FAM171A2: variants seen among roughly 807,000 people sequenced by gnomAD.
The protein encoded by FAM171A2 is family with sequence similarity 171 member A2.
A neutral mutation model predicts 34.2 loss-of-function variants in FAM171A2; 13 were observed. The observed-to-expected ratio is 0.38, with a 90% CI of 0.25 to 0.60. The LOEUF (loss-of-function observed/expected upper bound fraction) is 0.60, where lower values mean the gene tolerates loss of function less well. Among genes scored for constraint, FAM171A2 ranks in the 20% least tolerant of loss-of-function variants. The probability of loss-of-function intolerance (pLI) is 0.62; values close to 1 mark genes in which losing one functional copy is unlikely to be tolerated. For synonymous variants in FAM171A2, 475 were observed against 561.2 expected (o/e 0.85, Z 2.17); for missense variants, 950 against 1,180.7 (o/e 0.80, Z 2.86).
chr17:44,362,855 G>A (rs976863673), intron 1 of FAM171A2, among the ~76,000 whole-genome samples: 8 of 152,128 alleles, frequency 5.3e-5, no homozygotes, highest in Non-Finnish European at 1.0e-4. Context: ...CCTCCCAGCC[G>A]GCACTGCCCA....
In FAM171A2 at chr17:44,363,622, C is replaced by T; in HGVS notation, c.93G>A (p.Ser31=). The change falls in exon 1 of 8, where the codon TCG becomes TCA. Residue 31 remains serine (S), a synonymous_variant. Coordinates refer to ENST00000293443, the MANE Select transcript of FAM171A2 (RefSeq NM_198475.3). The stretch of plus-strand genomic sequence containing the variant: ...CCTGCGGGCTGGGGGGCTCCGGCGG[C>T]GACTTGCCGGGAGCCCGGGAGGCGC... ...LGSASRAPGK[S]PPEPPSPQEI... 8.1e-7 allele frequency: 1 copy of T among 1,229,528 alleles called. No homozygotes were observed. The highest frequency in any genetic ancestry group is 1.0e-6 in the Non-Finnish European group (1 of 985,648). 76.2% of individuals were successfully genotyped at this position (1,229,528 alleles called of 1,614,324 possible).
chr17:44,354,031 T>C lies in FAM171A2; in HGVS notation c.2183A>G (p.Glu728Gly). 8.5e-7 allele frequency: 1 copy of C among 1,171,818 alleles called. No individual in the cohort carries two copies. The highest frequency in any genetic ancestry group is 1.1e-6 in the Non-Finnish European group (1 of 949,860). 72.6% of individuals were successfully genotyped at this position (1,171,818 alleles called of 1,614,324 possible). A position where few individuals can be genotyped will look rare whatever the true frequency, so the allele number is the denominator to read the frequency against. Residue 728 changes from glutamate (E) to glycine (G), a missense_variant, in exon 8 of 8, where the codon GAG becomes GGG. Glu to Gly is a moderately conservative substitution (Grantham distance 98). Coordinates refer to ENST00000293443, the MANE Select transcript of FAM171A2 (RefSeq NM_198475.3). This position sits in a 1 kb window ranked among gnomAD's most constrained non-coding sequence, Gnocchi z 5.8. ...PPAPPRLALS[E>G]DTEPSSSESR... is the part of the protein sequence containing the mutation. The stretch of plus-strand genomic sequence containing the variant: ...CTCGCTGCTGCTGGGCTCCGTGTCC[T>C]CGCTGAGCGCCAGGCGCGGGGGCGC...
chr17:44,363,750 C>G lies in FAM171A2; in HGVS notation c.-36G>C. 1 of 993,636 alleles carries G rather than the reference C, an allele frequency of 1.0e-6. No homozygotes were observed. Among genetic ancestry groups the G allele is most frequent in the South Asian group, 5.1e-5 (1 of 19,702 alleles). 61.6% of individuals were successfully genotyped at this position (993,636 alleles called of 1,614,324 possible). A position where few individuals can be genotyped will look rare whatever the true frequency, so the allele number is the denominator to read the frequency against. ...GGCCGGGCCCTAGCGGTCCATGGCT[C>G]CCGCCTGGTCCCGCTCGCCCGGCCC... On this transcript the variant is annotated 5_prime_UTR_variant, in exon 1 of 8. Transcript: ENST00000293443.
chr17:44,353,904 C>T lies in FAM171A2; in HGVS notation c.2310G>A (p.Arg770=). The change falls in exon 8 of 8, where the codon CGG becomes CGA. Residue 770 remains arginine (R), a synonymous_variant. Coordinates refer to ENST00000293443, the MANE Select transcript of FAM171A2 (RefSeq NM_198475.3). ...GGGAGCTGTCCCCGCGGCTGCGGCC[C>T]CGCCCCCGGGGTACCGTGGCCGCCC... The part of the protein sequence containing the change: ...EGRAATVPRG[R]GRSRGDSSRS... 7.7e-7 allele frequency: 1 copy of T among 1,302,360 alleles called. No individual in the cohort carries two copies. Among genetic ancestry groups the T allele is most frequent in the Non-Finnish European group, 9.7e-7 (1 of 1,031,266 alleles). 80.7% of individuals were successfully genotyped at this position (1,302,360 alleles called of 1,614,324 possible). A position where few individuals can be genotyped will look rare whatever the true frequency, so the allele number is the denominator to read the frequency against.
chr17:44,353,942 C>T lies in FAM171A2; in HGVS notation c.2272G>A (p.Ala758Thr). The T allele has an allele frequency of 7.7e-7, 1 of 1,296,564 alleles. No homozygotes were observed. Among genetic ancestry groups the T allele is most frequent in the Non-Finnish European group, 9.7e-7 (1 of 1,027,162 alleles). 80.3% of individuals were successfully genotyped at this position (1,296,564 alleles called of 1,614,324 possible). Residue 758 changes from alanine (A) to threonine (T), a missense_variant, in exon 8 of 8, where the codon GCG becomes ACG. Physicochemically the swap from Ala to Thr is moderately conservative, Grantham distance 58. This residue lies in a region of FAM171A2 where 191 missense variants were observed against 222.8 expected (regional missense o/e 0.86). Coordinates refer to ENST00000293443, the MANE Select transcript of FAM171A2 (RefSeq NM_198475.3). ...ACCGTGGCCGCCCGGCCCTCGGGCG[C>T]CGCCACCTCGTCCAGCAGCGGCGTC... ...SLTPLLDEVA[A>T]PEGRAATVPR...
At chr17:44,363,554 G>C (rs1332564657) in intron 1 of FAM171A2, 43 bp downstream of exon 1, 1 of 991,432 alleles carries the variant, frequency 1.0e-6, no homozygotes, top group East Asian at 3.3e-5. Flanking sequence ...CCTGATCAGG[G>C]GGCGCAGGCC....
chr17:44,359,781 T>C (rs2048440530), intron 2 of FAM171A2, 110 bp from the exon 3 acceptor site: 1 of 1,119,834 alleles, frequency 8.9e-7, no homozygotes, highest in Non-Finnish European at 1.2e-6. Context: ...GCCCCCTCTG[T>C]GTACCCCAGC....
In FAM171A2 at chr17:44,354,573, C is replaced by A; in HGVS notation, c.1641G>T (p.Val547=). The change falls in exon 8 of 8, where the codon GTG becomes GTT. Residue 547 remains valine (V), a synonymous_variant. Transcript: ENST00000293443. The surrounding 1 kb of genome is among the most constrained non-coding windows in gnomAD (Gnocchi z 5.8). ...MPTLVIPAHY[V]RLGGEAGAAG... is the part of the protein sequence containing the mutation. ...CGGCGCCCGCCTCGCCGCCGAGGCG[C>A]ACGTAGTGCGCGGGGATCACCAGGG... The A allele has an allele frequency of 8.2e-7, 1 of 1,219,200 alleles. No homozygotes were observed. The allele number at this position is 1,219,200 out of a possible 1,614,324, so 75.5% of individuals were successfully genotyped here.
At position 44,354,078 on chromosome 17, in the gene FAM171A2, A is replaced by T. The variant is rs1452095237; in HGVS notation, c.2136T>A (p.Pro712=). Residue 712 remains proline, a synonymous_variant, in exon 8 of 8, where the codon CCT becomes CCA. Coordinates refer to ENST00000293443, the MANE Select transcript of FAM171A2 (RefSeq NM_198475.3). The surrounding 1 kb of genome is among the most constrained non-coding windows in gnomAD (Gnocchi z 5.8). ...PAREERERAP[P]AAPPPPPAPP... ...GCGCGGGCGGCGGCGGCGGCGCGGC[A>T]GGCGGGGCGCGCTCCCGCTCCTCCC... 4.5e-6 allele frequency: 5 copies of T among 1,103,232 alleles called. No homozygotes were observed. The highest frequency in any genetic ancestry group is 5.5e-6 in the Non-Finnish European group (5 of 906,418). The allele number at this position is 1,103,232 out of a possible 1,614,324, so 68.3% of individuals were successfully genotyped here.
chr17:44,353,515 G>A lies in FAM171A2; in HGVS notation c.*218C>T, dbSNP rs1034331141. ...CAGCCCTCCTCCCCGGCACCTCCCC[G>A]TGGGGGTCTGGACCCCCCCTCCTCC... On this transcript the variant is annotated 3_prime_UTR_variant, in exon 8 of 8. Coordinates refer to ENST00000293443, the MANE Select transcript of FAM171A2 (RefSeq NM_198475.3). The A allele has an allele frequency of 2.2e-4, 51 of 233,326 alleles. No homozygotes were observed. The highest frequency in any genetic ancestry group is 3.2e-4 in the Non-Finnish European group (40 of 125,036). 14.5% of individuals were successfully genotyped at this position (233,326 alleles called of 1,614,324 possible).
chr17:44,363,697 G>T lies in FAM171A2; in HGVS notation c.18C>A (p.Gly6=). The change falls in exon 1 of 8, where the codon GGC becomes GGA. Residue 6 remains glycine, a synonymous_variant. Coordinates refer to ENST00000293443, the MANE Select transcript of FAM171A2 (RefSeq NM_198475.3). ...GCAACAGCCGCGCGAGGACGCTGGG[G>T]CCACTCGCCGGCGGCATCGCGGGGC... is the stretch of plus-strand genomic sequence containing the variant. MPPAS[G]PSVLARLLPL... The T allele has an allele frequency of 8.2e-7, 1 of 1,218,246 alleles. No individual in the cohort carries two copies. The highest frequency in any genetic ancestry group is 1.0e-6 in the Non-Finnish European group (1 of 979,016). 75.5% of individuals were successfully genotyped at this position (1,218,246 alleles called of 1,614,324 possible).
At position 44,354,735 on chromosome 17, in the gene FAM171A2, G is replaced by A; in HGVS notation, c.1479C>T (p.Gly493=). The change falls in exon 8 of 8, where the codon GGC becomes GGT. Residue 493 remains glycine, a synonymous_variant. Coordinates refer to ENST00000293443, the MANE Select transcript of FAM171A2 (RefSeq NM_198475.3). This position sits in a 1 kb window ranked among gnomAD's most constrained non-coding sequence, Gnocchi z 5.8. ...GCGACAGCAGGAAGTCGGGGGTCTTGCCCTCGGCCGCCCCCTTGTGGCCCA... is the reference window on the plus strand; with the variant it reads ...GCGACAGCAGGAAGTCGGGGGTCTTACCCTCGGCCGCCCCCTTGTGGCCCA... The part of the protein sequence containing the change: ...HYLGHKGAAE[G]KTPDFLLSQS... The A allele has an allele frequency of 7.6e-7, 1 of 1,313,278 alleles. No homozygotes were observed. Among genetic ancestry groups the A allele is most frequent in the Non-Finnish European group, 9.7e-7 (1 of 1,029,684 alleles). The allele number at this position is 1,313,278 out of a possible 1,614,324, so 81.4% of individuals were successfully genotyped here.
chr17:44,359,244 G>A (rs2048438080), intron 3 of FAM171A2: 3 of 266,486 alleles, frequency 1.1e-5, no homozygotes, highest in South Asian at 9.2e-5. Flanking sequence ...GTGCACCTGT[G>A]CATCCAGCAG....
At chr17:44,358,092 TCTCA>T (rs2048432906) in intron 3 of FAM171A2, among the ~76,000 whole-genome samples, 1 of 152,144 alleles carries the variant, frequency 6.6e-6, no homozygotes, top group African/African-American at 2.4e-5. Context: ...GGGGAGCTGG[TCTCA>T]CTCAGCTCAG....
chr17:44,355,159 C>A lies in FAM171A2; in HGVS notation c.1055G>T (p.Arg352Leu). 6.4e-7 allele frequency: 1 copy of A among 1,550,872 alleles called. No individual in the cohort carries two copies. Among genetic ancestry groups the A allele is most frequent in the Non-Finnish European group, 8.7e-7 (1 of 1,146,878 alleles). Residue 352 changes from arginine to leucine, a missense_variant, in exon 8 of 8, where the codon CGC becomes CTC. Coordinates refer to ENST00000293443, the MANE Select transcript of FAM171A2 (RefSeq NM_198475.3). This position sits in a 1 kb window ranked among gnomAD's most constrained non-coding sequence, Gnocchi z 4.1. ...RRCLKPRQQH[R>L]KLQLSGPSDG... ...AGAGGGCCCCGAGAGCTGCAGCTTGCGGTGCTGTTGCCTCGGCTTCAGGCA... is the reference window on the plus strand; with the variant it reads ...AGAGGGCCCCGAGAGCTGCAGCTTGAGGTGCTGTTGCCTCGGCTTCAGGCA...
At chr17:44,359,748 C>G in intron 2 of FAM171A2, 77 bp from the exon 3 acceptor site, 1 of 1,005,444 alleles carries the variant, frequency 9.9e-7, no homozygotes, top group Middle Eastern at 3.9e-4. Flanking sequence ...CCATCTGAGT[C>G]CCAGAGGCTT....
chr17:44,360,464 G>T (rs972375197), intron 1 of FAM171A2, among the ~76,000 whole-genome samples: 1 of 152,190 alleles, frequency 6.6e-6, no homozygotes, highest in Non-Finnish European at 1.5e-5. Flanking sequence ...TGAAATCATG[G>T]TGCATCTTAC....
At chr17:44,358,712 C>A (rs1363631832) in intron 3 of FAM171A2, among the ~76,000 whole-genome samples, 1 of 151,960 alleles carries the variant, frequency 6.6e-6, no homozygotes, top group Non-Finnish European at 1.5e-5. Context: ...ACAACAACAA[C>A]AAAAACTAGC....
rs2048406362 is a variant in FAM171A2, at chr17:44,354,068, G to A, written c.2146C>T (p.Pro716Ser). 9.0e-7 allele frequency: 1 copy of A among 1,111,496 alleles called. No homozygotes were observed. The highest frequency in any genetic ancestry group is 4.9e-5 in the East Asian group (1 of 20,404). 68.9% of individuals were successfully genotyped at this position (1,111,496 alleles called of 1,614,324 possible). The change falls in exon 8 of 8, where the codon CCG (proline) becomes TCG (serine). Residue 716 changes from proline (P) to serine (S), a missense_variant. By Grantham distance (74) the Pro-to-Ser change is moderately conservative. Coordinates refer to ENST00000293443, the MANE Select transcript of FAM171A2 (RefSeq NM_198475.3). The surrounding 1 kb of genome is among the most constrained non-coding windows in gnomAD (Gnocchi z 5.8). ...AGGCGCGGGGGCGCGGGCGGCGGCG[G>A]CGGCGCGGCAGGCGGGGCGCGCTCC... The part of the protein sequence containing the change: ...ERERAPPAAP[P>S]PPPAPPRLAL...
Sources: allele counts gnomAD v4.1 joint callset (sites outside exome capture counted in the v4.1 genomes callset), GRCh38; gene constraint gnomAD v4.1.1; regional missense constraint gnomAD v4.1.1; non-coding constraint Gnocchi (gnomAD v3.1); transcripts MANE v1.5; gene names NCBI Gene and HGNC (gene_info 2026-07-23, HGNC 2026-07-21).